NKAIN2: variants seen among roughly 807,000 people sequenced by gnomAD.
The protein encoded by NKAIN2 is sodium/potassium transporting ATPase interacting 2, also known as sodium/potassium-transporting ATPase subunit beta-1-interacting protein 2.
A neutral mutation model predicts 32.6 loss-of-function variants in NKAIN2; 14 were observed. The observed-to-expected ratio is 0.43, with a 90% CI of 0.28 to 0.67. The LOEUF (loss-of-function observed/expected upper bound fraction) is 0.67. NKAIN2 is among the 30% of genes least tolerant of loss of function. NKAIN2 has a pLI of 0.17. For missense variants in NKAIN2, 198 were observed against 258.3 expected (o/e 0.77, Z 1.60); for synonymous variants, 80 against 87.2 (o/e 0.92, Z 0.46).
intron 3 of NKAIN2, among the ~76,000 whole-genome samples, chr6:124,567,116 C>A (rs935803227): frequency 6.6e-6 from 1 of 152,188 alleles, no homozygotes; most frequent in Non-Finnish European, 1.5e-5. Context: ...ATCGCAAAAA[C>A]TCTTGACAGT....
In NKAIN2 at chr6:124,444,263, T is replaced by C. The variant is rs114649203; in HGVS notation, c.273+88916T>C. 7.4e-3 allele frequency among the ~76,000 whole-genome samples: 1,119 copies of C among 152,162 alleles called. 9 individuals are homozygous for C. Among genetic ancestry groups the C allele is most frequent in the African/African-American group, 0.026 (1,078 of 41,576 alleles). ...AATCTCAAATTCTATCTTATAAAAA[T>C]AGATTCTTAGGACCCTTACAACTTC... On this transcript the variant is annotated intron_variant, in intron 3 of 6. Transcript: ENST00000368417.
At chr6:124,818,543 G>T in intron 6 of NKAIN2, 75 bp downstream of exon 6, 1 of 604,508 alleles carries the variant, frequency 1.7e-6, no homozygotes, top group South Asian at 2.8e-5. Context: ...ATACAAAATT[G>T]ATGGCATGCA....
At chr6:123,959,853 C>T (rs1008360888) in intron 1 of NKAIN2, among the ~76,000 whole-genome samples, 4 of 150,110 alleles carry the variant, frequency 2.7e-5, no homozygotes, top group East Asian at 3.9e-4. Flanking sequence ...TACTTTTTTT[C>T]GGGGATTATC....
intron 1 of NKAIN2, among the ~76,000 whole-genome samples, chr6:124,091,082 A>T (rs1784397287): frequency 6.6e-6 from 1 of 152,154 alleles, no homozygotes; most frequent in Admixed American, 6.6e-5. Context: ...ATGATTATTT[A>T]CATAGTCCAT....
At chr6:124,377,146 A>T (rs546428001) in intron 3 of NKAIN2, among the ~76,000 whole-genome samples, 8 of 152,354 alleles carry the variant, frequency 5.3e-5, no homozygotes, top group African/African-American at 1.9e-4. Context: ...AAAATGGGTG[A>T]TATTTAATAT....
intron 1 of NKAIN2, among the ~76,000 whole-genome samples, chr6:124,096,345 A>G (rs1784644258): frequency 6.6e-6 from 1 of 152,164 alleles, no homozygotes; most frequent in Non-Finnish European, 1.5e-5. Context: ...AAATATCTCC[A>G]GGATACATAC....
intron 3 of NKAIN2, among the ~76,000 whole-genome samples, chr6:124,635,876 C>A (rs963923774): frequency 6.6e-6 from 1 of 151,952 alleles, no homozygotes; most frequent in African/African-American, 2.4e-5. Context: ...TGGCCTTGGA[C>A]AGATTATCCC....
At chr6:123,895,862 A>C (rs1774254636) in intron 1 of NKAIN2, among the ~76,000 whole-genome samples, 1 of 152,042 alleles carries the variant, frequency 6.6e-6, no homozygotes, top group East Asian at 1.9e-4. Flanking sequence ...ATGAATCGCT[A>C]TAACATTCGT....
intron 1 of NKAIN2, among the ~76,000 whole-genome samples, chr6:124,201,061 C>T (rs1017657640): frequency 1.3e-5 from 2 of 151,998 alleles, no homozygotes; most frequent in African/African-American, 4.8e-5. Flanking sequence ...TAAATTAATA[C>T]ATAGACTTAT....
At chr6:124,611,350 TTTTG>T (rs141225329) in intron 3 of NKAIN2, among the ~76,000 whole-genome samples, 7,615 of 152,048 alleles carry the variant, frequency 0.05, 604 homozygotes, top group African/African-American at 0.17. Context: ...CGCCATTTTA[TTTTG>T]TTTGTTTGTT....
At chr6:124,608,125 G>A (rs962182181) in intron 3 of NKAIN2, among the ~76,000 whole-genome samples, 16 of 152,170 alleles carry the variant, frequency 1.1e-4, no homozygotes, top group East Asian at 7.7e-4. Flanking sequence ...CTCACAAACC[G>A]AAGCCAAAAA....
At chr6:124,381,425 G>A (rs185094585) in intron 3 of NKAIN2, among the ~76,000 whole-genome samples, 2 of 152,230 alleles carry the variant, frequency 1.3e-5, no homozygotes, top group African/African-American at 4.8e-5. Flanking sequence ...AATAAAAAGT[G>A]TTGAGAACCA....
At chr6:124,561,029 T>A (rs1453063998) in intron 3 of NKAIN2, among the ~76,000 whole-genome samples, 6 of 152,092 alleles carry the variant, frequency 3.9e-5, no homozygotes, top group Non-Finnish European at 8.8e-5. Flanking sequence ...GCAGGTCACC[T>A]AGGAAAAGAG....
intron 3 of NKAIN2, among the ~76,000 whole-genome samples, chr6:124,437,495 C>A (rs1339459902): frequency 6.6e-6 from 1 of 152,044 alleles, no homozygotes; most frequent in African/African-American, 2.4e-5. Context: ...CCCTTCCTTC[C>A]TTCCTTTCTC....
chr6:124,189,808 A>G (rs988276561), intron 1 of NKAIN2, among the ~76,000 whole-genome samples: 1 of 152,234 alleles, frequency 6.6e-6, no homozygotes, highest in Non-Finnish European at 1.5e-5. Context: ...GCCTTTTTAC[A>G]TGTTGCACAC....
chr6:124,792,015 GCT>G (rs1779767403), intron 5 of NKAIN2, among the ~76,000 whole-genome samples: 1 of 152,054 alleles, frequency 6.6e-6, no homozygotes, highest in Non-Finnish European at 1.5e-5. Context: ...CCTCCCAGTG[GCT>G]CTGTTGTTCT....
At chr6:124,129,509 C>T (rs991896853) in intron 1 of NKAIN2, among the ~76,000 whole-genome samples, 2 of 152,190 alleles carry the variant, frequency 1.3e-5, no homozygotes, top group African/African-American at 2.4e-5. Context: ...TTGTTTTACA[C>T]ATTTATATCA....
At chr6:124,810,579 CAT>C (rs1179201164) in intron 5 of NKAIN2, among the ~76,000 whole-genome samples, 1 of 151,966 alleles carries the variant, frequency 6.6e-6, no homozygotes, top group African/African-American at 2.4e-5. Context: ...CACATGTATA[CAT>C]GTCACTAACC....
At chr6:124,779,537 C>T (rs1355872526) in intron 4 of NKAIN2, among the ~76,000 whole-genome samples, 1 of 152,114 alleles carries the variant, frequency 6.6e-6, no homozygotes, top group East Asian at 1.9e-4. Flanking sequence ...TAAATTGTGG[C>T]ATCCTGGAAG....
Sources: gnomAD v4.1 joint callset for allele counts (sites outside exome capture counted in the v4.1 genomes callset) on GRCh38, gnomAD v4.1.1 for gene constraint, MANE v1.5 for transcripts, NCBI Gene and HGNC (gene_info 2026-07-23, HGNC 2026-07-21) for gene names.